Variants in ZRANB1 observed in about 807,000 individuals in gnomAD.
ZRANB1 encodes the protein ubiquitin thioesterase ZRANB1.
A neutral mutation model predicts 80.5 loss-of-function variants in ZRANB1; 16 were observed. The observed-to-expected ratio is 0.20, with a 90% CI of 0.13 to 0.30. The LOEUF is 0.30. ZRANB1 is among the 10% of genes least tolerant of loss of function. The pLI is 1.00. For missense variants in ZRANB1, 576 were observed against 862.6 expected, an observed-to-expected ratio of 0.67 and a Z score of 4.16; for synonymous variants, 291 against 293.1, an observed-to-expected ratio of 0.99 and a Z score of 0.07.
At chr10:124,927,176 C>G in the ZRANB1 span, among the ~76,000 whole-genome samples, 31 of 152,226 alleles carry the variant, frequency 2.0e-4, no homozygotes, top group Non-Finnish European at 2.6e-4. Flanking sequence ...AGAATGGTCT[C>G]GATCTCCTGA....
rs36014858 is a variant in ZRANB1 at position 124,985,658 on chromosome 10, C to CT, written c.*669dup. On this transcript the variant is annotated 3_prime_UTR_variant, in exon 9 of 9. Transcript: ENST00000359653. ...AGGGTTTTGGTTTTGGTTATTGTGTCTTTAAGTTTTCTGATATGCCCCCTT... is the reference window on the plus strand; with the variant it reads ...AGGGTTTTGGTTTTGGTTATTGTGTCTTTTAAGTTTTCTGATATGCCCCCTT... The CT allele has an allele frequency of 0.79, 120,355 of 152,572 alleles. 48,902 individuals are homozygous for CT. Among genetic ancestry groups the CT allele is most frequent in the East Asian group, 0.95 (4,931 of 5,190 alleles). 9.5% of individuals were successfully genotyped at this position (152,572 alleles called of 1,614,324 possible). A position where few individuals can be genotyped will look rare whatever the true frequency, so the allele number is the denominator to read the frequency against.
intron 1 of ZRANB1, among the ~76,000 whole-genome samples, chr10:124,950,877 G>A (rs1221896598): frequency 6.6e-6 from 1 of 152,152 alleles, no homozygotes; most frequent in African/African-American, 2.4e-5. Flanking sequence ...ACCTATGCAG[G>A]AGGCTGGGAT....
the ZRANB1 span, among the ~76,000 whole-genome samples, chr10:124,927,726 T>C: frequency 2.6e-4 from 39 of 152,202 alleles, no homozygotes; most frequent in Non-Finnish European, 5.9e-5. Flanking sequence ...TTTAGAAGTT[T>C]GTTTTGAAGT....
At chr10:124,918,854 T>C in the ZRANB1 span, among the ~76,000 whole-genome samples, 4 of 152,236 alleles carry the variant, frequency 2.6e-5, no homozygotes, top group Non-Finnish European at 5.9e-5. Context: ...TTTATTGGGC[T>C]GTTGGGGGTT....
At chr10:124,924,451 A>G in the ZRANB1 span, among the ~76,000 whole-genome samples, 1 of 152,156 alleles carries the variant, frequency 6.6e-6, no homozygotes, top group Non-Finnish European at 1.5e-5. Context: ...TCATGACCCC[A>G]AAAAGAAACT....
chr10:124,927,922 A>G, the ZRANB1 span, among the ~76,000 whole-genome samples: 1 of 152,180 alleles, frequency 6.6e-6, no homozygotes, highest in Non-Finnish European at 1.5e-5. Flanking sequence ...CCATAATCCC[A>G]GCTTCTTGGG....
chr10:124,984,840 G>C lies in ZRANB1; in HGVS notation c.1975G>C (p.Gly659Arg). 6.2e-7 allele frequency: 1 copy of C among 1,613,914 alleles called. No homozygotes were observed. Among genetic ancestry groups the C allele is most frequent in the Middle Eastern group, 1.6e-4 (1 of 6,062 alleles). The change falls in exon 9 of 9, where the codon GGA (glycine) becomes CGA (arginine). Residue 659 changes from glycine to arginine, a missense_variant. Coordinates refer to ENST00000359653, the MANE Select transcript of ZRANB1 (RefSeq NM_017580.3). ...EWLDCCVTEG[G>R]VLVAMQKSSR... The stretch of plus-strand genomic sequence containing the variant: ...GCTGGACTGCTGTGTGACGGAGGGG[G>C]GAGTTCTGGTTGCCATGCAGAAGAG...
At chr10:124,918,874 G>A in the ZRANB1 span, among the ~76,000 whole-genome samples, 2 of 152,148 alleles carry the variant, frequency 1.3e-5, no homozygotes, top group Admixed American at 6.5e-5. Context: ...TTACGAGATA[G>A]TAGGACAGTA....
intron 5 of ZRANB1, among the ~76,000 whole-genome samples, chr10:124,981,153 G>T (rs1951929116): frequency 6.6e-6 from 1 of 152,192 alleles, no homozygotes; most frequent in African/African-American, 2.4e-5. Flanking sequence ...CAGTAATTCA[G>T]TGTTAAGCAT....
chr10:124,931,620 C>T, the ZRANB1 span, among the ~76,000 whole-genome samples: 1 of 152,192 alleles, frequency 6.6e-6, no homozygotes, highest in African/African-American at 2.4e-5. Flanking sequence ...ATCTGCCCAC[C>T]TCAGCCTCCC....
chr10:124,963,399 A>C (rs981471323), intron 1 of ZRANB1, among the ~76,000 whole-genome samples: 4 of 151,876 alleles, frequency 2.6e-5, no homozygotes, highest in Non-Finnish European at 4.4e-5. Flanking sequence ...TTTCTCCCAT[A>C]AAGTGAGATT....
At chr10:124,939,192 G>GT (rs78940070), upstream of ZRANB1, among the ~76,000 whole-genome samples, 5,829 of 134,142 alleles carry the variant, frequency 0.043, 212 homozygotes, top group African/African-American at 0.11. Flanking sequence ...CAAAAATCGT[G>GT]TTTTTTTTTT....
At chr10:124,969,927 G>T (rs1053130878) in intron 2 of ZRANB1, among the ~76,000 whole-genome samples, 7 of 152,108 alleles carry the variant, frequency 4.6e-5, no homozygotes, top group African/African-American at 1.7e-4. Context: ...GGAAGGGGTT[G>T]TTTGGGGGCT....
the ZRANB1 span, among the ~76,000 whole-genome samples, chr10:124,920,177 C>T: frequency 2.7e-5 from 4 of 150,606 alleles, no homozygotes; most frequent in African/African-American, 9.8e-5. Flanking sequence ...CTGCCTGCCT[C>T]GGCCTCCCAG....
chr10:124,951,427 C>T (rs1237039948), intron 1 of ZRANB1, among the ~76,000 whole-genome samples: 1 of 152,032 alleles, frequency 6.6e-6, no homozygotes. Context: ...ATTACCATGT[C>T]AAAACGGAAA....
chr10:124,954,985 C>T (rs1305041046), intron 1 of ZRANB1, among the ~76,000 whole-genome samples: 8 of 150,596 alleles, frequency 5.3e-5, no homozygotes, highest in South Asian at 2.1e-4. Context: ...AAAAATTAGC[C>T]GGGCGTGGTG....
In ZRANB1 at chr10:124,983,229, C is replaced by A. The variant is rs776822128; in HGVS notation, c.1603C>A (p.Arg535=). The A allele has an allele frequency of 1.2e-6, 2 of 1,613,972 alleles. No homozygotes were observed. Among genetic ancestry groups the A allele is most frequent in the Non-Finnish European group, 1.7e-6 (2 of 1,179,990 alleles). ...TTTTGTACTGGCACATATTCTTAGA[C>A]GACCAATTATAGTTTATGGAGTAAA... The part of the protein sequence containing the change: ...HIFVLAHILR[R]PIIVYGVKYY... The change falls in exon 7 of 9, where the codon CGA becomes AGA. Residue 535 remains arginine (R), a synonymous_variant. Transcript: ENST00000359653. The surrounding 1 kb of genome is among the most constrained non-coding windows in gnomAD (Gnocchi z 6.2).
the ZRANB1 span, among the ~76,000 whole-genome samples, chr10:124,918,353 G>A: frequency 2.0e-5 from 3 of 152,134 alleles, no homozygotes; most frequent in African/African-American, 4.8e-5. Context: ...ACCACGCCCG[G>A]CTAATTTTGT....
rs1180258153 is a variant in ZRANB1 at position 124,973,611 on chromosome 10, C to G, written c.1157-34C>G. On this transcript the variant is annotated intron_variant, in intron 3 of 8. Coordinates refer to ENST00000359653, the MANE Select transcript of ZRANB1 (RefSeq NM_017580.3). ...TATAAGTTAAGTGTAAGTTATGAAACAAAAGATCTTTTAAGTTTGCATTTT... is the reference window on the plus strand; with the variant it reads ...TATAAGTTAAGTGTAAGTTATGAAAGAAAAGATCTTTTAAGTTTGCATTTT... 4 of 1,576,270 alleles carry G rather than the reference C, an allele frequency of 2.5e-6. No homozygotes were observed. In the Admixed American group the frequency reaches 5.4e-5, roughly 21 times the overall value.
Sources: allele counts gnomAD v4.1 joint callset (sites outside exome capture counted in the v4.1 genomes callset), GRCh38; gene constraint gnomAD v4.1.1; non-coding constraint Gnocchi (gnomAD v3.1); transcripts MANE v1.5; gene names NCBI Gene and HGNC (gene_info 2026-07-23, HGNC 2026-07-21).